The following RNF220 variants were observed in gnomAD, a reference collection of about 807,000 sequenced individuals.
RNF220 encodes ring finger protein 220.
RNF220 carries 7 observed loss-of-function variants against 67.1 expected under a neutral mutation model. The observed-to-expected ratio is 0.10, with a 90% CI of 0.06 to 0.20. The LOEUF is 0.20. RNF220 is among the 10% of genes least tolerant of loss of function. RNF220 has a pLI of 1.00. For missense variants in RNF220, 565 were observed against 740.3 expected (o/e 0.76, Z 2.75); for synonymous variants, 270 against 283.2 (o/e 0.95, Z 0.47).
At chr1:44,545,140 G>A (rs1442359913) in intron 2 of RNF220, among the ~76,000 whole-genome samples, 1 of 152,218 alleles carries the variant, frequency 6.6e-6, no homozygotes, top group Non-Finnish European at 1.5e-5. Flanking sequence ...ATGGTCCATT[G>A]TGATCTTCTA....
intron 2 of RNF220, among the ~76,000 whole-genome samples, chr1:44,580,418 C>G (rs1275467630): frequency 3.3e-5 from 5 of 152,132 alleles, no homozygotes; most frequent in Non-Finnish European, 7.3e-5. Context: ...AAAGAAGACT[C>G]CAGGGGACAT....
chr1:44,631,747 A>G, intron 5 of RNF220: 1 of 268,456 alleles, frequency 3.7e-6, no homozygotes, highest in Non-Finnish European at 5.7e-6. Context: ...GATGGGGCGG[A>G]AGGAGCCCCG....
At chr1:44,432,159 T>C (rs1650450695) in intron 2 of RNF220, among the ~76,000 whole-genome samples, 1 of 152,134 alleles carries the variant, frequency 6.6e-6, no homozygotes, top group African/African-American at 2.4e-5. Flanking sequence ...TAAAGCACTT[T>C]GAATTTTTTT....
intron 2 of RNF220, among the ~76,000 whole-genome samples, chr1:44,545,028 A>G (rs2148234680): frequency 6.6e-6 from 1 of 152,354 alleles, no homozygotes; most frequent in African/African-American, 2.4e-5. Context: ...AGAGCCACAA[A>G]CAAAGCGGGC....
intron 2 of RNF220, among the ~76,000 whole-genome samples, chr1:44,549,570 G>A (rs1662453260): frequency 1.3e-5 from 2 of 152,090 alleles, no homozygotes; most frequent in East Asian, 1.9e-4. Flanking sequence ...TTCCCTCCTT[G>A]CCCAGCGTGA....
chr1:44,483,455 C>G (rs909141697), intron 2 of RNF220, among the ~76,000 whole-genome samples: 1 of 152,118 alleles, frequency 6.6e-6, no homozygotes, highest in African/African-American at 2.4e-5. Flanking sequence ...AGTGCCATGC[C>G]CATATCAGAA....
At chr1:44,537,358 C>G (rs2148210297) in intron 2 of RNF220, among the ~76,000 whole-genome samples, 1 of 152,244 alleles carries the variant, frequency 6.6e-6, no homozygotes, top group South Asian at 2.1e-4. Context: ...GAAAATTCTC[C>G]CTTTTTCTGT....
intron 8 of RNF220, among the ~76,000 whole-genome samples, chr1:44,639,990 A>G (rs952870857): frequency 9.2e-5 from 14 of 152,310 alleles, no homozygotes; most frequent in African/African-American, 3.1e-4. Context: ...GGGTTTCACC[A>G]TGTTGGCCAG....
In RNF220 at chr1:44,614,315, G is replaced by A. The variant is rs535140873; in HGVS notation, c.758+18G>A. 274 of 1,612,252 alleles carry A rather than the reference G, an allele frequency of 1.7e-4. No individual in the cohort carries two copies. Among genetic ancestry groups the A allele is most frequent in the Non-Finnish European group, 2.2e-4 (261 of 1,178,972 alleles). ...CCCTCGAGGTAAGCCACCTCCCAGG[G>A]AGCCTGCCTGCTGGAGGAGTCCACT... On this transcript the variant is annotated intron_variant, in intron 3 of 14. Coordinates refer to ENST00000361799, the MANE Select transcript of RNF220 (RefSeq NM_018150.4).
intron 2 of RNF220, among the ~76,000 whole-genome samples, chr1:44,508,886 G>T (rs1318317100): frequency 6.6e-6 from 1 of 152,172 alleles, no homozygotes. Flanking sequence ...GGGACAGATG[G>T]AAAGGAGTAA....
chr1:44,627,882 A>G (rs1258447335), intron 5 of RNF220, among the ~76,000 whole-genome samples: 3 of 152,220 alleles, frequency 2.0e-5, no homozygotes, highest in Non-Finnish European at 4.4e-5. Context: ...CTGGCCTGGC[A>G]CAGGGTGCAG....
In RNF220 at chr1:44,650,192, C is replaced by T. The variant is rs913047099; in HGVS notation, c.1629+235C>T. 3.4e-5 allele frequency: 20 copies of T among 587,258 alleles called. No individual in the cohort carries two copies. Among genetic ancestry groups the T allele is most frequent in the Non-Finnish European group, 4.5e-5 (15 of 330,616 alleles). The allele number at this position is 587,258 out of a possible 1,614,324, so 36.4% of individuals were successfully genotyped here. Reference sequence around the variant, plus strand: ...TGAGTTCACTGCATTCTCCCTTCCCCGCCCCGGTCCCCGAAGGCCCACTGC... The same window carrying T: ...TGAGTTCACTGCATTCTCCCTTCCCTGCCCCGGTCCCCGAAGGCCCACTGC... On this transcript the variant is annotated intron_variant, in intron 14 of 14. Transcript: ENST00000361799. The surrounding 1 kb of genome is among the most constrained non-coding windows in gnomAD (Gnocchi z 4.3).
At chr1:44,476,663 G>A (rs1446587728) in intron 2 of RNF220, among the ~76,000 whole-genome samples, 2 of 152,260 alleles carry the variant, frequency 1.3e-5, no homozygotes, top group Admixed American at 6.5e-5. Flanking sequence ...GAGGAAGCTT[G>A]AGAGAGCCTA....
intron 3 of RNF220, among the ~76,000 whole-genome samples, chr1:44,620,445 G>A (rs754853563): frequency 2.6e-5 from 4 of 152,144 alleles, no homozygotes; most frequent in Admixed American, 6.5e-5. Flanking sequence ...CCTCATTTCC[G>A]TACCAGAAAT....
Position 44,570,989 on chromosome 1 carries a change from G to A in RNF220, c.626-43176G>A, listed in dbSNP as rs183609613. On this transcript the variant is annotated intron_variant, in intron 2 of 14. Transcript: ENST00000361799. ...CTCAGGAGGCTGAGGCAGGAGAATC[G>A]CTTGAACCCAGGAGGCAGAGGTTGC... 3.3e-5 allele frequency among the ~76,000 whole-genome samples: 5 copies of A among 151,904 alleles called. No individual in the cohort carries two copies. In the East Asian group the frequency reaches 5.8e-4, roughly 18 times the overall value.
At chr1:44,631,995 T>G (rs2148472483) in intron 5 of RNF220, 1 of 1,011,512 alleles carries the variant, frequency 9.9e-7, no homozygotes, top group Non-Finnish European at 1.2e-6. Context: ...CGCCGCCGCT[T>G]GGAGCTGAAG....
chr1:44,412,770 T>G lies in RNF220; in HGVS notation c.625+48T>G. On this transcript the variant is annotated intron_variant, in intron 2 of 14. Coordinates refer to ENST00000361799, the MANE Select transcript of RNF220 (RefSeq NM_018150.4). The surrounding 1 kb of genome is among the most constrained non-coding windows in gnomAD (Gnocchi z 5.3). ...TCCCTTACCCCCAGTAAGCCCTGCC[T>G]CACCGTGATGTTCAACAGGTCGGTG... 6.4e-7 allele frequency: 1 copy of G among 1,571,832 alleles called. No homozygotes were observed. Among genetic ancestry groups the G allele is most frequent in the Non-Finnish European group, 8.6e-7 (1 of 1,157,930 alleles).
intron 5 of RNF220, among the ~76,000 whole-genome samples, chr1:44,630,362 G>A (rs1483832214): frequency 1.3e-5 from 2 of 152,184 alleles, no homozygotes; most frequent in African/African-American, 2.4e-5. Context: ...CTAGAAAGAG[G>A]TGACTCTTCT....
chr1:44,626,445 G>C, intron 5 of RNF220, 47 bp downstream of exon 5: 1 of 1,485,512 alleles, frequency 6.7e-7, no homozygotes, highest in East Asian at 2.3e-5. Context: ...TCACCTGGGG[G>C]AGGGCTTCAA....
Sources: allele counts gnomAD v4.1 joint callset (sites outside exome capture counted in the v4.1 genomes callset), GRCh38; gene constraint gnomAD v4.1.1; non-coding constraint Gnocchi (gnomAD v3.1); transcripts MANE v1.5; gene names NCBI Gene and HGNC (gene_info 2026-07-23, HGNC 2026-07-21).